Variants in RIMS1 observed in about 807,000 individuals in gnomAD.
RIMS1 encodes the protein regulating synaptic membrane exocytosis 1, also known as regulating synaptic membrane exocytosis protein 1.
Under a neutral mutation model 214.1 loss-of-function variants are expected in RIMS1, and 83 were observed. The ratio of observed to expected loss-of-function variants is 0.39; its 90% CI spans 0.32 to 0.47. RIMS1 has a LOEUF of 0.47. Among genes scored for constraint, RIMS1 ranks in the 20% least tolerant of loss-of-function variants. The probability of loss-of-function intolerance (pLI) is 0.99; values close to 1 mark genes in which losing one functional copy is unlikely to be tolerated. For synonymous variants in RIMS1, 793 were observed against 786.8 expected, an observed-to-expected ratio of 1.01 and a Z score of -0.13; for missense variants, 2,050 against 2,161.8, an observed-to-expected ratio of 0.95 and a Z score of 1.03.
At chr6:72,070,570 ATTC>A (rs1562247425) in intron 2 of RIMS1, among the ~76,000 whole-genome samples, 1 of 152,224 alleles carries the variant, frequency 6.6e-6, no homozygotes, top group African/African-American at 2.4e-5. Context: ...TGAATTTCTT[ATTC>A]TTAACAACAA....
intron 19 of RIMS1, chr6:72,262,851 G>A (rs2078661097): frequency 1.2e-5 from 8 of 671,066 alleles, no homozygotes; most frequent in Non-Finnish European, 1.5e-5. Context: ...AAAATCTGAG[G>A]ATTTACTAGT....
intron 4 of RIMS1, among the ~76,000 whole-genome samples, chr6:72,134,677 A>G (rs1272878614): frequency 6.6e-6 from 1 of 152,178 alleles, no homozygotes; most frequent in Admixed American, 6.5e-5. Flanking sequence ...CATGATACAC[A>G]TTATAAATTC....
intron 1 of RIMS1, among the ~76,000 whole-genome samples, chr6:71,889,513 A>G (rs1006725520): frequency 1.3e-5 from 2 of 152,138 alleles, no homozygotes; most frequent in African/African-American, 4.8e-5. Flanking sequence ...GGACCTCTGT[A>G]TTAACTTTAT....
chr6:72,144,887 T>C (rs1033418659), intron 4 of RIMS1, among the ~76,000 whole-genome samples: 4 of 151,562 alleles, frequency 2.6e-5, no homozygotes, highest in Admixed American at 6.6e-5. Flanking sequence ...TCTTTCTTTT[T>C]TCTTTTTTTT....
chr6:72,097,277 T>G (rs1298088866), intron 3 of RIMS1, 115 bp downstream of exon 3: 2 of 831,796 alleles, frequency 2.4e-6, no homozygotes, highest in African/African-American at 3.4e-5. Flanking sequence ...ACATACACGT[T>G]AAAATGAACC....
chr6:71,930,209 C>G (rs1474170861), intron 1 of RIMS1, among the ~76,000 whole-genome samples: 1 of 151,988 alleles, frequency 6.6e-6, no homozygotes, highest in Non-Finnish European at 1.5e-5. Flanking sequence ...GAGAAAAGGA[C>G]AGAAGAGTAT....
intron 2 of RIMS1, among the ~76,000 whole-genome samples, chr6:72,043,332 A>T (rs1821987695): frequency 6.6e-6 from 1 of 151,912 alleles, no homozygotes; most frequent in African/African-American, 2.4e-5. Flanking sequence ...TGTCATTTTT[A>T]TCTTTCTACT....
chr6:72,362,257 A>C (rs938862380), intron 29 of RIMS1, among the ~76,000 whole-genome samples: 1 of 152,198 alleles, frequency 6.6e-6, no homozygotes, highest in African/African-American at 2.4e-5. Context: ...GAAGTAGTAC[A>C]AGTCTGCTAA....
chr6:71,951,611 C>T (rs1238636139), intron 1 of RIMS1, among the ~76,000 whole-genome samples: 1 of 151,270 alleles, frequency 6.6e-6, no homozygotes, highest in East Asian at 1.9e-4. Context: ...CTGCCTCAGC[C>T]TCCTAAGTAG....
At chr6:71,941,611 G>T (rs1210710249) in intron 1 of RIMS1, among the ~76,000 whole-genome samples, 1 of 152,162 alleles carries the variant, frequency 6.6e-6, no homozygotes, top group Non-Finnish European at 1.5e-5. Flanking sequence ...CTGCACAGAA[G>T]TCAGCCCTTT....
At chr6:72,104,077 C>T (rs1015168197) in intron 4 of RIMS1, among the ~76,000 whole-genome samples, 1 of 151,996 alleles carries the variant, frequency 6.6e-6, no homozygotes, top group Admixed American at 6.6e-5. Flanking sequence ...TATATAGGTA[C>T]TTATTAATCC....
intron 2 of RIMS1, among the ~76,000 whole-genome samples, chr6:71,992,289 A>G (rs1801809255): frequency 6.6e-6 from 1 of 152,136 alleles, no homozygotes; most frequent in South Asian, 2.1e-4. Flanking sequence ...CAGTGGAATC[A>G]TTGGTGCCAA....
intron 3 of RIMS1, among the ~76,000 whole-genome samples, 154 bp downstream of exon 3, chr6:72,097,316 G>A (rs72934883): frequency 0.067 from 10,154 of 152,188 alleles, 393 homozygotes; most frequent in Middle Eastern, 0.1. Context: ...TCCTTAATAA[G>A]GTAGTGGAAT....
intron 2 of RIMS1, among the ~76,000 whole-genome samples, chr6:72,085,460 G>C (rs1413647626): frequency 1.3e-5 from 2 of 152,094 alleles, no homozygotes; most frequent in African/African-American, 4.8e-5. Context: ...TTAAATATGT[G>C]TATATAACAT....
At chr6:72,204,966 G>A (rs577116043) in intron 6 of RIMS1, among the ~76,000 whole-genome samples, 6 of 152,048 alleles carry the variant, frequency 3.9e-5, no homozygotes, top group Non-Finnish European at 8.8e-5. Flanking sequence ...CCATGCATTT[G>A]GGAAAAATTA....
At chr6:72,024,753 G>A (rs1008190940) in intron 2 of RIMS1, among the ~76,000 whole-genome samples, 1 of 151,952 alleles carries the variant, frequency 6.6e-6, no homozygotes, top group African/African-American at 2.4e-5. Flanking sequence ...ATCAATTTAA[G>A]TCTCATAGTA....
intron 1 of RIMS1, among the ~76,000 whole-genome samples, chr6:71,955,931 A>G (rs1260219664): frequency 1.3e-5 from 2 of 152,170 alleles, no homozygotes; most frequent in African/African-American, 4.8e-5. Context: ...TGTCACGTTT[A>G]CTGTTTCTTG....
At chr6:72,038,118 A>AAAT (rs1820399900) in intron 2 of RIMS1, among the ~76,000 whole-genome samples, 2 of 13,418 alleles carry the variant, frequency 1.5e-4, no homozygotes, top group Non-Finnish European at 2.4e-4. Flanking sequence ...AAAAAAAAAA[A>AAAT]ATATATATAT....
chr6:72,174,994 A>C (rs2047512683), intron 4 of RIMS1, among the ~76,000 whole-genome samples: 1 of 152,050 alleles, frequency 6.6e-6, no homozygotes, highest in Non-Finnish European at 1.5e-5. Context: ...TTCACACTAC[A>C]AGAACCAAAG....
Sources: gnomAD v4.1 joint callset for allele counts (sites outside exome capture counted in the v4.1 genomes callset) on GRCh38, gnomAD v4.1.1 for gene constraint, MANE v1.5 for transcripts, NCBI Gene and HGNC (gene_info 2026-07-23, HGNC 2026-07-21) for gene names.